Variants in MAP2K7 observed in about 807,000 individuals in gnomAD.
MAP2K7 encodes mitogen-activated protein kinase kinase 7.
Under a neutral mutation model 47.7 loss-of-function variants are expected in MAP2K7, and 12 were observed. The observed-to-expected ratio is 0.25, with a 90% CI of 0.16 to 0.41. MAP2K7 has a LOEUF of 0.41. Ranked by LOEUF, MAP2K7 falls within the 10% of genes least tolerant of loss-of-function variation. MAP2K7 has a pLI of 1.00. For synonymous variants in MAP2K7, 299 were observed against 243.0 expected (o/e 1.23, Z -2.14); for missense variants, 415 against 600.3 (o/e 0.69, Z 3.23).
At chr19:7,911,371 G>A (rs2145143758) in intron 8 of MAP2K7, 41 bp downstream of exon 8, 1 of 1,613,428 alleles carries the variant, frequency 6.2e-7, no homozygotes, top group East Asian at 2.2e-5. Flanking sequence ...CAGGAGTGAG[G>A]GCTTCTGGGG....
chr19:7,907,983 A>G (rs1280228726), intron 1 of MAP2K7, among the ~76,000 whole-genome samples: 1 of 152,010 alleles, frequency 6.6e-6, no homozygotes, highest in Non-Finnish European at 1.5e-5. Context: ...TGGCCAACAT[A>G]GCGAGACCCC....
chr19:7,904,930 A>C (rs1269040453), intron 1 of MAP2K7, among the ~76,000 whole-genome samples: 1 of 151,672 alleles, frequency 6.6e-6, no homozygotes, highest in African/African-American at 2.4e-5. Flanking sequence ...GCCGCGCCCC[A>C]GCATACATCC....
intron 1 of MAP2K7, among the ~76,000 whole-genome samples, chr19:7,907,448 C>T (rs1004991980): frequency 6.6e-6 from 1 of 152,230 alleles, no homozygotes; most frequent in Non-Finnish European, 1.5e-5. Flanking sequence ...AGCCGGTGCA[C>T]CTGTGGCTCC....
rs560619882 is a variant in MAP2K7, at chr19:7,905,710, T to A, written c.124+1642T>A. The A allele has an allele frequency of 6.0e-5, 65 of 1,080,444 alleles. No individual in the cohort carries two copies. In the South Asian group the frequency reaches 7.4e-4, roughly 12 times the overall value. 66.9% of individuals were successfully genotyped at this position (1,080,444 alleles called of 1,614,324 possible). ...TCTGCAGTTCGGTGCCTCCCCCTCCTCCTCGTTTATGATTTGATTTCTTTT... is the reference window on the plus strand; with the variant it reads ...TCTGCAGTTCGGTGCCTCCCCCTCCACCTCGTTTATGATTTGATTTCTTTT... On this transcript the variant is annotated intron_variant, in intron 1 of 10. Coordinates refer to ENST00000397979, the MANE Select transcript of MAP2K7 (RefSeq NM_145185.4).
At chr19:7,904,304 G>A in intron 1 of MAP2K7, 1 of 228,600 alleles carries the variant, frequency 4.4e-6, no homozygotes, top group East Asian at 1.2e-4. Flanking sequence ...GGACCCAGGC[G>A]AGGCCCCCAG....
rs1568281450 is a variant in MAP2K7 at position 7,913,045 on chromosome 19, TC to T, written c.*615del. The T allele has an allele frequency of 1.2e-4, 18 of 149,018 alleles. No homozygotes were observed. Among genetic ancestry groups the T allele is most frequent in the Non-Finnish European group, 1.8e-4 (12 of 67,228 alleles). 9.2% of individuals were successfully genotyped at this position (149,018 alleles called of 1,614,324 possible). ...GCTGGACGGGGCTGCGCGCTCGCGC[TC>T]TCTCTCTCTCTCTCTCTCTCTCTTT... On this transcript the variant is annotated 3_prime_UTR_variant, in exon 11 of 11. Transcript: ENST00000397979.
intron 1 of MAP2K7, among the ~76,000 whole-genome samples, chr19:7,904,294 G>A (rs1305450544): frequency 6.6e-6 from 1 of 152,136 alleles, no homozygotes; most frequent in Non-Finnish European, 1.5e-5. Context: ...CCCAGTTCCC[G>A]GACCCAGGCG....
At chr19:7,909,535 T>C (rs904283155) in intron 1 of MAP2K7, among the ~76,000 whole-genome samples, 3 of 152,236 alleles carry the variant, frequency 2.0e-5, no homozygotes, top group South Asian at 2.1e-4. Context: ...TCCATCTCTT[T>C]CCAGGTCAGG....
chr19:7,911,175 C>T lies in MAP2K7; in HGVS notation c.855+16C>T, dbSNP rs774012982. 22 of 1,608,140 alleles carry T rather than the reference C, an allele frequency of 1.4e-5. No homozygotes were observed. Among genetic ancestry groups the T allele is most frequent in the Non-Finnish European group, 1.8e-5 (21 of 1,177,174 alleles). On this transcript the variant is annotated intron_variant, in intron 7 of 10. Coordinates refer to ENST00000397979, the MANE Select transcript of MAP2K7 (RefSeq NM_145185.4). ...CTACATGGCAGTGAGTGGGGGCCCC[C>T]CAGCGGGGGAGGGGGTGGGGGCTGG... is the stretch of plus-strand genomic sequence containing the variant.
Position 7,909,780 on chromosome 19 carries a change from TG to T in MAP2K7, c.155del (p.Gly52AlafsTer49). On this transcript the variant is annotated frameshift_variant, in exon 2 of 11. Coordinates refer to ENST00000397979, the MANE Select transcript of MAP2K7 (RefSeq NM_145185.4). LOFTEE classifies it high-confidence loss of function. Reference protein sequence around the residue: ...PTLQLPLANDGGSRSPSSESS... With the variant: ...PTLQLPLANDXGSRSPSSESS... Reference sequence around the variant, plus strand: ...CCCTGCAGCTCCCGCTGGCCAACGATGGGGGCAGCCGCTCGCCATCCTCAGA... The same window carrying T: ...CCCTGCAGCTCCCGCTGGCCAACGATGGGGCAGCCGCTCGCCATCCTCAGA... 1 of 1,541,708 alleles carries T rather than the reference TG, an allele frequency of 6.5e-7. No individual in the cohort carries two copies. Among genetic ancestry groups the T allele is most frequent in the Non-Finnish European group, 8.7e-7 (1 of 1,145,870 alleles).
At chr19:7,905,027 A>G (rs1041884623) in intron 1 of MAP2K7, among the ~76,000 whole-genome samples, 6 of 150,164 alleles carry the variant, frequency 4.0e-5, no homozygotes, top group African/African-American at 1.5e-4. Context: ...CTTCACACAC[A>G]CCTGGCCTGG....
Position 7,910,731 on chromosome 19 carries a change from C to G in MAP2K7, c.603C>G (p.Thr201=), listed in dbSNP as rs1462167964. The G allele has an allele frequency of 6.2e-7, 1 of 1,611,656 alleles. No homozygotes were observed. The change falls in exon 6 of 11, where the codon ACC becomes ACG. Residue 201 remains threonine (T), a synonymous_variant. Coordinates refer to ENST00000397979, the MANE Select transcript of MAP2K7 (RefSeq NM_145185.4). ...TCATCGCCATGGAGCTCATGGGCAC[C>G]TGCGCTGAGAAGCTCAAGAAGCGGA... ...DVFIAMELMG[T]CAEKLKKRMQ...
At chr19:7,911,831 G>A (rs570438375) in intron 9 of MAP2K7, among the ~76,000 whole-genome samples, 76 of 152,284 alleles carry the variant, frequency 5.0e-4, no homozygotes, top group African/African-American at 1.6e-3. Flanking sequence ...TTGTGAGCAC[G>A]CTTCTGCAAC....
chr19:7,905,709 C>T, intron 1 of MAP2K7: 1 of 1,084,830 alleles, frequency 9.2e-7, no homozygotes, highest in Non-Finnish European at 1.4e-6. Context: ...CCTCCCCCTC[C>T]TCCTCGTTTA....
rs1331007401 is a variant in MAP2K7, at chr19:7,909,887, G to A, written c.257G>A (p.Ser86Asn). ...CCGTCAACCCTGTTCACACCCCGCA[G>A]CATGGAGAGGTGAGCCAGGGGCCCA... ...GLPSTLFTPRSMESIEIDQKL... is the reference protein window; with the variant it reads ...GLPSTLFTPRNMESIEIDQKL... The change falls in exon 2 of 11, where the codon AGC becomes AAC. Residue 86 changes from serine to asparagine, a missense_variant. By Grantham distance (46) the Ser-to-Asn change is conservative (BLOSUM62 1). Coordinates refer to ENST00000397979, the MANE Select transcript of MAP2K7 (RefSeq NM_145185.4). 3 of 1,519,792 alleles carry A rather than the reference G, an allele frequency of 2.0e-6. No individual in the cohort carries two copies. The highest frequency in any genetic ancestry group is 2.1e-5 in the Admixed American group (1 of 46,804). The allele number at this position is 1,519,792 out of a possible 1,614,324, so 94.1% of individuals were successfully genotyped here.
intron 1 of MAP2K7, chr19:7,905,736 C>T: frequency 7.5e-7 from 1 of 1,331,226 alleles, no homozygotes; most frequent in Non-Finnish European, 1.1e-6. Flanking sequence ...GATTTCTTTT[C>T]TTTTGGACGA....
rs750668505 is a variant in MAP2K7 at position 7,905,765 on chromosome 19, G to T, written c.124+1697G>T. Reference sequence around the variant, plus strand: ...TGGACGAATCAGTCGTTTCTGTTGTGATTTATCGTGGTGTTGTTTTTTTCT... The same window carrying T: ...TGGACGAATCAGTCGTTTCTGTTGTTATTTATCGTGGTGTTGTTTTTTTCT... On this transcript the variant is annotated intron_variant, in intron 1 of 10. Coordinates refer to ENST00000397979, the MANE Select transcript of MAP2K7 (RefSeq NM_145185.4). The T allele has an allele frequency of 1.0e-5, 15 of 1,504,446 alleles. No individual in the cohort carries two copies. In the East Asian group the frequency reaches 1.6e-4, roughly 16 times the overall value. 93.2% of individuals were successfully genotyped at this position (1,504,446 alleles called of 1,614,324 possible).
intron 1 of MAP2K7, chr19:7,905,660 C>G: frequency 1.4e-6 from 1 of 733,806 alleles, no homozygotes; most frequent in Non-Finnish European, 2.5e-6. Flanking sequence ...CCCGCCCTCC[C>G]CATCTCTGTC....
intron 1 of MAP2K7, chr19:7,905,732 T>C: frequency 7.6e-7 from 1 of 1,311,286 alleles, no homozygotes; most frequent in East Asian, 2.3e-5. Context: ...ATTTGATTTC[T>C]TTTCTTTTGG....
Sources: allele counts gnomAD v4.1 joint callset (sites outside exome capture counted in the v4.1 genomes callset), GRCh38; gene constraint gnomAD v4.1.1; transcripts MANE v1.5; gene names NCBI Gene and HGNC (gene_info 2026-07-23, HGNC 2026-07-21).